The following FBN2 variants were observed in gnomAD, a reference collection of about 807,000 sequenced individuals.
The protein encoded by FBN2 is fibrillin-2.
A neutral mutation model predicts 355.6 loss-of-function variants in FBN2; 105 were observed. That is an observed-to-expected ratio of 0.30 (90% CI 0.25 to 0.35). The LOEUF is 0.35. Among genes scored for constraint, FBN2 ranks in the 10% least tolerant of loss-of-function variants. The pLI, the probability that FBN2 is intolerant of heterozygous loss-of-function variation, is 1.00. For synonymous variants in FBN2, 1,350 were observed against 1,301.2 expected, an observed-to-expected ratio of 1.04 and a Z score of -0.81; for missense variants, 3,280 against 3,758.7, an observed-to-expected ratio of 0.87 and a Z score of 3.33.
At chr5:128,422,711 A>G (rs367737786) in intron 7 of FBN2, among the ~76,000 whole-genome samples, 1 of 152,198 alleles carries the variant, frequency 6.6e-6, no homozygotes, top group East Asian at 1.9e-4. Context: ...GAAGTTGAGT[A>G]AGTTCATGTC....
rs1273366729 is a variant in FBN2 at position 128,521,726 on chromosome 5, C to A, written c.533-2358G>T. Reference sequence around the variant, plus strand: ...TGCCAGCCTTTGGGGAAAAGCTGTCCACACTGACTGTAACACTCAGAACAC... The same window carrying A: ...TGCCAGCCTTTGGGGAAAAGCTGTCAACACTGACTGTAACACTCAGAACAC... On this transcript the variant is annotated intron_variant, in intron 4 of 64. Coordinates refer to ENST00000262464, the MANE Select transcript of FBN2 (RefSeq NM_001999.4). Among the ~76,000 whole-genome samples, 10 of 152,220 alleles carry A rather than the reference C, an allele frequency of 6.6e-5. 1 individual carries two copies. The South Asian group carries it at 1.7e-3, about 25-fold the overall frequency.
intron 5 of FBN2, among the ~76,000 whole-genome samples, chr5:128,515,381 T>C (rs988926288): frequency 5.9e-5 from 9 of 152,200 alleles, no homozygotes; most frequent in Admixed American, 3.9e-4. Flanking sequence ...TTAGACTATA[T>C]GGGATCTTAC....
rs1295845961 is a variant in FBN2 at position 128,277,884 on chromosome 5, A to G, written c.7467T>C (p.Cys2489=). Residue 2489 remains cysteine, a synonymous_variant, in exon 58 of 65, where the codon TGT becomes TGC. Transcript: ENST00000262464. ...GYTTDISGTS[C]IDLDECSQSP... Reference sequence around the variant, plus strand: ...TATAGAGGTGCCCATCGTTACCTATACAAGAGGTTCCACTGATGTCTGTGG... The same window carrying G: ...TATAGAGGTGCCCATCGTTACCTATGCAAGAGGTTCCACTGATGTCTGTGG... 6 of 1,614,160 alleles carry G rather than the reference A, an allele frequency of 3.7e-6. No individual in the cohort carries two copies. Among genetic ancestry groups the G allele is most frequent in the Non-Finnish European group, 5.1e-6 (6 of 1,180,004 alleles).
intron 5 of FBN2, among the ~76,000 whole-genome samples, chr5:128,465,800 T>C (rs1409049057): frequency 2.6e-5 from 4 of 152,134 alleles, no homozygotes; most frequent in African/African-American, 9.7e-5. Flanking sequence ...TTAAGTACAG[T>C]CCATTTAGAT....
At chr5:128,389,716 A>G (rs1752461543) in intron 11 of FBN2, among the ~76,000 whole-genome samples, 1 of 152,140 alleles carries the variant, frequency 6.6e-6, no homozygotes, top group Non-Finnish European at 1.5e-5. Flanking sequence ...TGGAGGTTGT[A>G]AGATCTTCTG....
rs74764875 is a variant in FBN2, at chr5:128,342,419, G to T, written c.3343+1966C>A. Among the ~76,000 whole-genome samples, 599 of 152,202 alleles carry T rather than the reference G, an allele frequency of 3.9e-3. 3 individuals carry two copies. Among genetic ancestry groups the T allele is most frequent in the African/African-American group, 0.014 (564 of 41,512 alleles). On this transcript the variant is annotated intron_variant, in intron 25 of 64. Transcript: ENST00000262464. ...TGAGTATACATGTATGTGCCTGAGTGACAGAGGGCAAAAGTCAAAATTACA... is the reference window on the plus strand; with the variant it reads ...TGAGTATACATGTATGTGCCTGAGTTACAGAGGGCAAAAGTCAAAATTACA...
intron 8 of FBN2, among the ~76,000 whole-genome samples, chr5:128,396,931 G>T (rs890368766): frequency 3.1e-4 from 47 of 152,118 alleles, no homozygotes; most frequent in African/African-American, 1.1e-3. Flanking sequence ...TTTAGCACTG[G>T]ATACAGAGTT....
At chr5:128,265,043 AT>A (rs1351155150) in intron 62 of FBN2, among the ~76,000 whole-genome samples, 1 of 152,252 alleles carries the variant, frequency 6.6e-6, no homozygotes, top group Non-Finnish European at 1.5e-5. Flanking sequence ...ATTATCTAAT[AT>A]GTGAAAATTC....
intron 6 of FBN2, among the ~76,000 whole-genome samples, chr5:128,462,502 T>C (rs1036199124): frequency 2.6e-5 from 4 of 152,220 alleles, no homozygotes; most frequent in African/African-American, 9.6e-5. Flanking sequence ...TTTCCAGACA[T>C]TTTAATCATG....
At chr5:128,408,634 A>G (rs114434410) in intron 8 of FBN2, 40 bp downstream of exon 8, 3 of 1,612,978 alleles carry the variant, frequency 1.9e-6, no homozygotes, top group African/African-American at 1.3e-5. Flanking sequence ...TTGTCATTAT[A>G]AAGACCCAGT....
intron 27 of FBN2, among the ~76,000 whole-genome samples, 160 bp downstream of exon 27, chr5:128,337,837 C>A (rs966518468): frequency 2.1e-4 from 32 of 152,228 alleles, no homozygotes; most frequent in African/African-American, 7.7e-4. Flanking sequence ...CCCAAGCATC[C>A]ACTAAAGACA....
intron 8 of FBN2, among the ~76,000 whole-genome samples, chr5:128,408,416 T>G (rs1752985760): frequency 6.6e-6 from 1 of 152,162 alleles, no homozygotes; most frequent in African/African-American, 2.4e-5. Context: ...TTTAAAAAAT[T>G]TTTCTCGTGC....
In FBN2 at chr5:128,284,897, C is replaced by T. The variant is rs1047059279; in HGVS notation, c.7012+1821G>A. 2.0e-5 allele frequency among the ~76,000 whole-genome samples: 3 copies of T among 152,294 alleles called. No homozygotes were observed. The South Asian group carries it at 6.2e-4, about 32-fold the overall frequency. ...CTCTACAAAAACACTCCATACTTTT[C>T]TCATTTGCTTATGTCCCTGATCTTC... On this transcript the variant is annotated intron_variant, in intron 55 of 64. Coordinates refer to ENST00000262464, the MANE Select transcript of FBN2 (RefSeq NM_001999.4).
rs958485689 is a variant in FBN2 at position 128,492,917 on chromosome 5, T to TA, written c.628+26355dup. On this transcript the variant is annotated intron_variant, in intron 5 of 64. Coordinates refer to ENST00000262464, the MANE Select transcript of FBN2 (RefSeq NM_001999.4). ...TGAATTAAAATTAAAGTGTAAAGCG[T>TA]AAAAAAAAAATCAATGCTCAGTGCA... is the stretch of plus-strand genomic sequence containing the variant. Among the ~76,000 whole-genome samples the TA allele has an allele frequency of 3.6e-4, 50 of 139,650 alleles. No individual in the cohort carries two copies. The South Asian group carries it at 5.1e-3, about 14-fold the overall frequency. The allele number at this position is 139,650 out of a possible 152,430, so 91.6% of individuals were successfully genotyped here.
At chr5:128,466,294 A>C (rs1372263583) in intron 5 of FBN2, among the ~76,000 whole-genome samples, 2 of 152,216 alleles carry the variant, frequency 1.3e-5, no homozygotes, top group Non-Finnish European at 2.9e-5. Flanking sequence ...GGAATACAAA[A>C]TACCACTCAG....
At chr5:128,417,579 A>C (rs1183698300) in intron 7 of FBN2, among the ~76,000 whole-genome samples, 1 of 152,130 alleles carries the variant, frequency 6.6e-6, no homozygotes, top group Non-Finnish European at 1.5e-5. Context: ...ATTTTATCAA[A>C]TGCTTTTCCT....
chr5:128,436,836 C>A (rs1581293780), intron 7 of FBN2, among the ~76,000 whole-genome samples: 1 of 152,118 alleles, frequency 6.6e-6, no homozygotes, highest in African/African-American at 2.4e-5. Context: ...GCAGTTATTC[C>A]CTCACCAATC....
intron 7 of FBN2, among the ~76,000 whole-genome samples, chr5:128,423,730 A>G (rs552557459): frequency 2.9e-4 from 44 of 152,316 alleles, no homozygotes; most frequent in African/African-American, 1.0e-3. Context: ...TGAGAATGGG[A>G]GATCCACATA....
intron 5 of FBN2, among the ~76,000 whole-genome samples, chr5:128,512,823 T>C (rs1756167842): frequency 6.6e-6 from 1 of 152,216 alleles, no homozygotes; most frequent in Non-Finnish European, 1.5e-5. Context: ...ATCTATCATT[T>C]TGATAACTGG....
Sources: allele counts gnomAD v4.1 joint callset (sites outside exome capture counted in the v4.1 genomes callset), GRCh38; gene constraint gnomAD v4.1.1; transcripts MANE v1.5; gene names NCBI Gene and HGNC (gene_info 2026-07-23, HGNC 2026-07-21).